TENM2: variants seen among roughly 807,000 people sequenced by gnomAD.
The protein encoded by TENM2 is teneurin transmembrane protein 2, also known as teneurin-2.
In TENM2, 52 loss-of-function variants were observed where a neutral mutation model predicts 245.2. The ratio of observed to expected loss-of-function variants is 0.21; its 90% CI spans 0.17 to 0.27. The LOEUF (loss-of-function observed/expected upper bound fraction) is 0.27, where lower values mean the gene tolerates loss of function less well. Ranked by LOEUF, TENM2 falls within the 10% of genes least tolerant of loss-of-function variation. The pLI, the probability that TENM2 is intolerant of heterozygous loss-of-function variation, is 1.00. For missense variants in TENM2, 3,046 were observed against 3,666.8 expected (o/e 0.83, Z 4.37); for synonymous variants, 1,363 against 1,438.9 (o/e 0.95, Z 1.19).
the TENM2 span, among the ~76,000 whole-genome samples, chr5:167,154,188 T>C: frequency 2.0e-5 from 3 of 152,264 alleles, no homozygotes; most frequent in South Asian, 2.1e-4. Flanking sequence ...TGTATATGTA[T>C]TGAAGAATAG....
At chr5:167,713,603 C>A (rs1759054106) in intron 2 of TENM2, among the ~76,000 whole-genome samples, 2 of 152,188 alleles carry the variant, frequency 1.3e-5, no homozygotes, top group African/African-American at 4.8e-5. Flanking sequence ...CAGACATGCA[C>A]ATACATGTGC....
chr5:167,193,203 C>T, the TENM2 span, among the ~76,000 whole-genome samples: 1 of 152,000 alleles, frequency 6.6e-6, no homozygotes, highest in East Asian at 1.9e-4. Flanking sequence ...CCCATTAAGA[C>T]TTGTACACCG....
chr5:168,145,501 C>T (rs1255226432), intron 12 of TENM2, among the ~76,000 whole-genome samples: 10 of 112,448 alleles, frequency 8.9e-5, no homozygotes, highest in Non-Finnish European at 1.5e-4. Context: ...AGATATGTGG[C>T]GTTATTTCTG....
At chr5:167,200,984 G>T in the TENM2 span, among the ~76,000 whole-genome samples, 2 of 152,192 alleles carry the variant, frequency 1.3e-5, no homozygotes, top group South Asian at 4.1e-4. Flanking sequence ...TCCAGGGAAA[G>T]AGGAAAGAGT....
the TENM2 span, among the ~76,000 whole-genome samples, chr5:167,181,267 T>C: frequency 1.3e-5 from 2 of 152,176 alleles, no homozygotes; most frequent in Admixed American, 1.3e-4. Context: ...AAGTTTGTTA[T>C]AGAAACAAAT....
chr5:168,190,224 C>T (rs1339906531), intron 13 of TENM2, 113 bp from the exon 16 acceptor site: 2 of 734,084 alleles, frequency 2.7e-6, no homozygotes, highest in Non-Finnish European at 4.5e-6. Context: ...ACCTCAGGCC[C>T]TTGGGTACGT....
chr5:167,963,936 G>T (rs916193611), intron 4 of TENM2, among the ~76,000 whole-genome samples: 1 of 152,060 alleles, frequency 6.6e-6, no homozygotes, highest in Non-Finnish European at 1.5e-5. Flanking sequence ...ATATAAATTT[G>T]TACTACCAAA....
At chr5:167,730,909 A>G (rs1220715979) in intron 2 of TENM2, among the ~76,000 whole-genome samples, 1 of 152,198 alleles carries the variant, frequency 6.6e-6, no homozygotes, top group Non-Finnish European at 1.5e-5. Flanking sequence ...TTAGGTTCCT[A>G]AGAGTTTCAA....
In TENM2 at chr5:167,894,988, A is replaced by G. The variant is rs181860181; in HGVS notation, c.712+18793A>G. 9.3e-3 allele frequency among the ~76,000 whole-genome samples: 985 copies of G among 106,340 alleles called. 4 individuals are homozygous for G. Among genetic ancestry groups the G allele is most frequent in the Admixed American group, 0.012 (103 of 8,530 alleles). 69.8% of individuals were successfully genotyped at this position (106,340 alleles called of 152,430 possible). A position where few individuals can be genotyped will look rare whatever the true frequency, so the allele number is the denominator to read the frequency against. On this transcript the variant is annotated intron_variant, in intron 3 of 28. Coordinates refer to ENST00000518659, the Ensembl canonical transcript of TENM2. ...AAGGAAGGAAGGAAGGAAGGAAGGA[A>G]GGAGGGAAGGAAGGAAGGAAGGGAG...
intron 28 of TENM2, 77 bp from the exon 31 acceptor site, chr5:168,261,972 C>A (rs1768227465): frequency 7.0e-7 from 1 of 1,429,488 alleles, no homozygotes; most frequent in Non-Finnish European, 9.6e-7. Flanking sequence ...GAGTTCCAAG[C>A]CTTTCTCTTT....
chr5:168,170,853 A>G (rs745491602), intron 13 of TENM2, among the ~76,000 whole-genome samples: 16 of 152,180 alleles, frequency 1.1e-4, no homozygotes, highest in Non-Finnish European at 8.8e-5. Flanking sequence ...TCATCATTCC[A>G]TGTTCTCAAA....
intron 2 of TENM2, among the ~76,000 whole-genome samples, chr5:167,554,942 A>G (rs1773169769): frequency 6.6e-6 from 1 of 152,168 alleles, no homozygotes. Flanking sequence ...GTGAGTAGGA[A>G]AGCAAAGAAA....
chr5:168,075,280 G>A (rs2152143550), intron 7 of TENM2, among the ~76,000 whole-genome samples: 1 of 152,098 alleles, frequency 6.6e-6, no homozygotes, highest in East Asian at 1.9e-4. Flanking sequence ...TCCTTTTAAT[G>A]TCTGAGTAGT....
intron 1 of TENM2, among the ~76,000 whole-genome samples, chr5:167,312,709 A>G (rs919034914): frequency 7.9e-5 from 12 of 152,224 alleles, no homozygotes; most frequent in African/African-American, 2.9e-4. Flanking sequence ...AGAAAAAAAA[A>G]ACTTGTGAGA....
At chr5:167,066,910 G>A in the TENM2 span, among the ~76,000 whole-genome samples, 6 of 151,992 alleles carry the variant, frequency 3.9e-5, no homozygotes. Context: ...ATATGATTTA[G>A]TACTCATTTG....
At chr5:167,552,919 T>TAATGAATG (rs10657967) in intron 2 of TENM2, among the ~76,000 whole-genome samples, 16,022 of 150,586 alleles carry the variant, frequency 0.11, 905 homozygotes, top group African/African-American at 0.13. Flanking sequence ...GGTAAGTTAA[T>TAATGAATG]AATGAATGAA....
chr5:167,021,222 A>G, the TENM2 span, among the ~76,000 whole-genome samples: 2 of 152,250 alleles, frequency 1.3e-5, no homozygotes, highest in Admixed American at 1.3e-4. Context: ...AACCTTTCAC[A>G]TAAAATAAGG....
intron 2 of TENM2, among the ~76,000 whole-genome samples, chr5:167,420,578 T>C (rs544316937): frequency 2.2e-4 from 34 of 152,360 alleles, no homozygotes; most frequent in Admixed American, 2.2e-3. Flanking sequence ...GTATTCTTCC[T>C]GCCTGAAATG....
At chr5:168,120,069 C>G (rs545121471) in intron 10 of TENM2, among the ~76,000 whole-genome samples, 1 of 152,180 alleles carries the variant, frequency 6.6e-6, no homozygotes, top group South Asian at 2.1e-4. Context: ...TAGATACACC[C>G]ACATAGGGTT....
Sources: gnomAD v4.1 joint callset for allele counts (sites outside exome capture counted in the v4.1 genomes callset) on GRCh38, gnomAD v4.1.1 for gene constraint, MANE v1.5 for transcripts, NCBI Gene and HGNC (gene_info 2026-07-23, HGNC 2026-07-21) for gene names.